Variants in CDH8 observed in about 807,000 individuals in gnomAD.
CDH8 encodes the protein cadherin-8.
In CDH8, 17 loss-of-function variants were observed where a neutral mutation model predicts 68.1. The observed-to-expected ratio is 0.25, with a 90% CI of 0.17 to 0.37. The LOEUF is 0.37. CDH8 is among the 10% of genes least tolerant of loss of function. CDH8 has a pLI of 1.00. For synonymous variants in CDH8, 372 were observed against 365.1 expected (o/e 1.02, Z -0.21); for missense variants, 763 against 999.3 (o/e 0.76, Z 3.19).
At chr16:61,788,431 C>T (rs1210448858) in intron 8 of CDH8, among the ~76,000 whole-genome samples, 1 of 152,044 alleles carries the variant, frequency 6.6e-6, no homozygotes, top group African/African-American at 2.4e-5. Flanking sequence ...TTTACCTCAA[C>T]TCTCTTGGAA....
chr16:61,715,521 T>C (rs1322360997), intron 9 of CDH8, among the ~76,000 whole-genome samples: 1 of 151,596 alleles, frequency 6.6e-6, no homozygotes, highest in East Asian at 1.9e-4. Flanking sequence ...TGGTTTCTAG[T>C]CAATGTTCAA....
chr16:61,838,082 C>T (rs1478405870), intron 4 of CDH8, among the ~76,000 whole-genome samples: 1 of 123,776 alleles, frequency 8.1e-6, no homozygotes, highest in East Asian at 2.3e-4. Flanking sequence ...TACATCACAG[C>T]AGTGTTTTTC....
chr16:61,816,042 T>C (rs757627369), intron 7 of CDH8, among the ~76,000 whole-genome samples: 2 of 152,152 alleles, frequency 1.3e-5, no homozygotes, highest in Non-Finnish European at 2.9e-5. Context: ...CCCTTATTTT[T>C]TGCATATGTC....
At chr16:61,951,006 T>G (rs1964888183) in intron 2 of CDH8, among the ~76,000 whole-genome samples, 1 of 152,016 alleles carries the variant, frequency 6.6e-6, no homozygotes, top group African/African-American at 2.4e-5. Context: ...ACAAGTTTAC[T>G]TATGTAACAA....
chr16:61,996,808 C>T (rs1510163), intron 2 of CDH8, among the ~76,000 whole-genome samples: 94,363 of 151,936 alleles, frequency 0.62, 29,617 homozygotes, highest in East Asian at 0.76. Flanking sequence ...CTCGAACTCC[C>T]GGGCTCAAGC....
intron 2 of CDH8, among the ~76,000 whole-genome samples, chr16:61,992,674 C>T (rs1057118161): frequency 6.6e-6 from 1 of 152,140 alleles, no homozygotes; most frequent in Non-Finnish European, 1.5e-5. Flanking sequence ...AGTCATTTAA[C>T]AACATTTACT....
At chr16:61,939,734 C>A (rs1964681938) in intron 2 of CDH8, among the ~76,000 whole-genome samples, 1 of 152,254 alleles carries the variant, frequency 6.6e-6, no homozygotes, top group Non-Finnish European at 1.5e-5. Flanking sequence ...GCCTCTCCTG[C>A]TACACATAAA....
chr16:61,943,366 C>G (rs565939264), intron 2 of CDH8, among the ~76,000 whole-genome samples: 54 of 152,286 alleles, frequency 3.5e-4, no homozygotes, highest in African/African-American at 1.3e-3. Context: ...TGTAAACAAA[C>G]AAGGTGGTAG....
chr16:62,015,808 A>G (rs186965851), intron 2 of CDH8, among the ~76,000 whole-genome samples: 483 of 152,264 alleles, frequency 3.2e-3, no homozygotes, highest in Non-Finnish European at 4.8e-3. Flanking sequence ...CTTTCTACCA[A>G]TGTGAGAATA....
chr16:62,019,519 A>G (rs1902021409), intron 2 of CDH8, among the ~76,000 whole-genome samples: 1 of 152,194 alleles, frequency 6.6e-6, no homozygotes, highest in Non-Finnish European at 1.5e-5. Flanking sequence ...CTTCAGAAAC[A>G]TTAAGGTATA....
chr16:62,011,582 G>T (rs967060593), intron 2 of CDH8, among the ~76,000 whole-genome samples: 1 of 152,118 alleles, frequency 6.6e-6, no homozygotes, highest in Non-Finnish European at 1.5e-5. Flanking sequence ...CCCACACAGG[G>T]GTTGATTGAT....
chr16:61,697,460 C>G (rs1368775350), intron 10 of CDH8, among the ~76,000 whole-genome samples: 4 of 151,670 alleles, frequency 2.6e-5, no homozygotes, highest in Non-Finnish European at 4.4e-5. Context: ...AAACACCAAG[C>G]TATGAGATGC....
chr16:61,714,041 G>T, intron 9 of CDH8, 83 bp from the exon 10 acceptor site: 1 of 847,424 alleles, frequency 1.2e-6, no homozygotes, highest in Non-Finnish European at 2.0e-6. Context: ...CATTCTTTTT[G>T]TGGTCTGATA....
chr16:61,660,465 T>G (rs1278302678), intron 10 of CDH8, among the ~76,000 whole-genome samples: 2 of 151,620 alleles, frequency 1.3e-5, no homozygotes, highest in East Asian at 3.9e-4. Context: ...CTCAAAAAAA[T>G]GTATAACACC....
chr16:61,960,013 T>TAC (rs1555524831), intron 2 of CDH8, among the ~76,000 whole-genome samples: 8 of 80,552 alleles, frequency 9.9e-5, no homozygotes, highest in Non-Finnish European at 1.3e-4. Context: ...TATATATATA[T>TAC]ATACACACAT....
chr16:61,972,310 G>A (rs1284372758), intron 2 of CDH8, among the ~76,000 whole-genome samples: 2 of 152,130 alleles, frequency 1.3e-5, no homozygotes, highest in East Asian at 3.9e-4. Context: ...TCTTGCATAT[G>A]TCTTTATTAG....
At chr16:61,795,105 C>T (rs143638003) in intron 7 of CDH8, among the ~76,000 whole-genome samples, 3 of 151,824 alleles carry the variant, frequency 2.0e-5, no homozygotes, top group African/African-American at 4.8e-5. Context: ...ACTGCAGCAT[C>T]AATAAAGGAC....
intron 1 of CDH8, among the ~76,000 whole-genome samples, chr16:62,027,714 A>C (rs1311185969): frequency 6.6e-6 from 1 of 152,208 alleles, no homozygotes; most frequent in African/African-American, 2.4e-5. Context: ...AATTCACCCA[A>C]GCCCTGGCTG....
chr16:62,008,431 C>CT (rs1439390192), intron 2 of CDH8, among the ~76,000 whole-genome samples: 2 of 151,842 alleles, frequency 1.3e-5, no homozygotes, highest in East Asian at 1.9e-4. Context: ...GGTCTTTCAG[C>CT]TTTTTTTTGC....
Sources: allele counts gnomAD v4.1 joint callset (sites outside exome capture counted in the v4.1 genomes callset), GRCh38; gene constraint gnomAD v4.1.1; transcripts MANE v1.5; gene names NCBI Gene and HGNC (gene_info 2026-07-23, HGNC 2026-07-21).